Variants in KAT2B observed in about 807,000 individuals in gnomAD.
The protein encoded by KAT2B is lysine acetyltransferase 2B.
KAT2B carries 36 observed loss-of-function variants against 105.9 expected under a neutral mutation model. That is an observed-to-expected ratio of 0.34 (90% CI 0.26 to 0.45). KAT2B has a LOEUF of 0.45. KAT2B is among the 20% of genes least tolerant of loss of function. The pLI is 1.00. For missense variants in KAT2B, 820 were observed against 1,021.6 expected (o/e 0.80, Z 2.69); for synonymous variants, 397 against 377.9 (o/e 1.05, Z -0.59).
intron 14 of KAT2B, among the ~76,000 whole-genome samples, chr3:20,147,362 T>G (rs1473089744): frequency 3.3e-5 from 5 of 152,130 alleles, no homozygotes; most frequent in Non-Finnish European, 5.9e-5. Context: ...TTTTGTTTTT[T>G]TTTTTGTACA....
chr3:20,109,922 GAACTAACACT>G (rs1213529228), intron 5 of KAT2B, among the ~76,000 whole-genome samples: 1 of 151,996 alleles, frequency 6.6e-6, no homozygotes, highest in Non-Finnish European at 1.5e-5. Flanking sequence ...GTAGGCAGAT[GAACTAACACT>G]AATGAAAGCT....
intron 5 of KAT2B, among the ~76,000 whole-genome samples, chr3:20,103,825 G>T (rs1314830497): frequency 6.6e-6 from 1 of 152,198 alleles, no homozygotes; most frequent in East Asian, 1.9e-4. Context: ...TTGGATGAGT[G>T]CTGGGTTTGA....
chr3:20,084,798 A>G (rs981440849), intron 2 of KAT2B, among the ~76,000 whole-genome samples: 1 of 152,172 alleles, frequency 6.6e-6, no homozygotes, highest in African/African-American at 2.4e-5. Flanking sequence ...GCCTTCTAAA[A>G]ATAGAAGCTT....
intron 2 of KAT2B, among the ~76,000 whole-genome samples, chr3:20,078,211 G>A (rs13082735): frequency 0.59 from 89,439 of 151,786 alleles, 27,225 homozygotes; most frequent in African/African-American, 0.75. Flanking sequence ...TAAATAAAAA[G>A]GCAGCCTGTT....
intron 11 of KAT2B, among the ~76,000 whole-genome samples, chr3:20,129,962 A>AT (rs1699479908): frequency 6.7e-6 from 1 of 150,338 alleles, no homozygotes; most frequent in South Asian, 2.3e-4. Flanking sequence ...CACAGTACCC[A>AT]TTTTTTAAAA....
chr3:20,111,714 C>CT lies in KAT2B; in HGVS notation c.971dup (p.Glu325GlyfsTer9). The CT allele has an allele frequency of 6.2e-7, 1 of 1,614,080 alleles. No homozygotes were observed. Among genetic ancestry groups the CT allele is most frequent in the Non-Finnish European group, 8.5e-7 (1 of 1,179,976 alleles). On this transcript the variant is annotated frameshift_variant, in exon 6 of 18. Coordinates refer to ENST00000263754, the MANE Select transcript of KAT2B (RefSeq NM_003884.5). LOFTEE classifies it high-confidence loss of function. ...CTTCACTGTTATGAGGCGACAACTCCTGGAACAAGCAAGACAGGAAAAAGA... is the reference window on the plus strand; with the variant it reads ...CTTCACTGTTATGAGGCGACAACTCCTTGGAACAAGCAAGACAGGAAAAAGA...
At chr3:20,074,208 CCTTA>C (rs1276543007) in intron 2 of KAT2B, among the ~76,000 whole-genome samples, 1 of 152,146 alleles carries the variant, frequency 6.6e-6, no homozygotes, top group Non-Finnish European at 1.5e-5. Context: ...TGTTTTCTGG[CCTTA>C]CTTACGATAG....
intron 2 of KAT2B, among the ~76,000 whole-genome samples, chr3:20,077,548 A>G (rs1698440687): frequency 6.6e-6 from 1 of 152,222 alleles, no homozygotes; most frequent in Non-Finnish European, 1.5e-5. Flanking sequence ...ACAGTTTTTG[A>G]AGACATCATA....
At chr3:20,123,032 A>T (rs1194654869) in intron 9 of KAT2B, 1 of 811,170 alleles carries the variant, frequency 1.2e-6, no homozygotes, top group Admixed American at 6.2e-5. Flanking sequence ...CTCACAGTTG[A>T]AGGCATCATT....
chr3:20,086,729 T>G (rs541751651), intron 2 of KAT2B, among the ~76,000 whole-genome samples: 1 of 152,266 alleles, frequency 6.6e-6, no homozygotes, highest in Admixed American at 6.5e-5. Context: ...GGCCTCTACC[T>G]CTCTAATTTT....
intron 5 of KAT2B, among the ~76,000 whole-genome samples, chr3:20,108,825 G>C (rs915799819): frequency 2.0e-5 from 3 of 152,198 alleles, no homozygotes; most frequent in African/African-American, 7.2e-5. Flanking sequence ...ATAGGAGCCT[G>C]AACTCTATTG....
At chr3:20,075,991 G>T (rs148013157) in intron 2 of KAT2B, among the ~76,000 whole-genome samples, 2 of 152,072 alleles carry the variant, frequency 1.3e-5, no homozygotes, top group Non-Finnish European at 2.9e-5. Flanking sequence ...GATGGGTGGG[G>T]TTGAAGGTTC....
chr3:20,041,008 C>T (rs892921519), intron 1 of KAT2B, among the ~76,000 whole-genome samples: 1 of 152,182 alleles, frequency 6.6e-6, no homozygotes, highest in Non-Finnish European at 1.5e-5. Context: ...GAGAGCCCTT[C>T]ATTCCTTCCG....
At chr3:20,130,949 A>G (rs1699500580) in intron 11 of KAT2B, among the ~76,000 whole-genome samples, 1 of 150,360 alleles carries the variant, frequency 6.7e-6, no homozygotes, top group Non-Finnish European at 1.5e-5. Flanking sequence ...TTCTAATGGT[A>G]AGAACCAATC....
At chr3:20,043,810 T>C (rs1458733130) in intron 1 of KAT2B, among the ~76,000 whole-genome samples, 1 of 152,104 alleles carries the variant, frequency 6.6e-6, no homozygotes, top group Non-Finnish European at 1.5e-5. Context: ...TCTCAGCTTG[T>C]TTCTGCACTT....
intron 2 of KAT2B, among the ~76,000 whole-genome samples, chr3:20,080,290 T>C (rs1162659743): frequency 1.3e-5 from 2 of 152,322 alleles, no homozygotes; most frequent in East Asian, 3.9e-4. Flanking sequence ...GGCTGCTCCA[T>C]GTTCTCCAAA....
At chr3:20,106,464 C>CACACACAT (rs1553592055) in intron 5 of KAT2B, among the ~76,000 whole-genome samples, 1 of 150,294 alleles carries the variant, frequency 6.7e-6, no homozygotes, top group Non-Finnish European at 1.5e-5. Flanking sequence ...CACACACACA[C>CACACACAT]ATTCTGTCTC....
rs1030567237 is a variant in KAT2B, at chr3:20,154,153, T to G, written c.*1628T>G. ...TGTCCAGCTGGTATCCTGTGAAAGT[T>G]TGTTATTTTCTGAGTAGACATTCTT... On this transcript the variant is annotated 3_prime_UTR_variant, in exon 18 of 18. Coordinates refer to ENST00000263754, the MANE Select transcript of KAT2B (RefSeq NM_003884.5). 2 of 152,600 alleles carry G rather than the reference T, an allele frequency of 1.3e-5. No individual in the cohort carries two copies. The highest frequency in any genetic ancestry group is 2.9e-5 in the Non-Finnish European group (2 of 68,010). The allele number at this position is 152,600 out of a possible 1,614,324, so 9.5% of individuals were successfully genotyped here.
intron 11 of KAT2B, among the ~76,000 whole-genome samples, chr3:20,136,435 A>G (rs547232964): frequency 6.6e-6 from 1 of 152,274 alleles, no homozygotes; most frequent in Non-Finnish European, 1.5e-5. Context: ...AATGCTATGT[A>G]TGTGATGATT....
Sources: allele counts gnomAD v4.1 joint callset (sites outside exome capture counted in the v4.1 genomes callset), GRCh38; gene constraint gnomAD v4.1.1; transcripts MANE v1.5; gene names NCBI Gene and HGNC (gene_info 2026-07-23, HGNC 2026-07-21).